The following IL33 variants were observed in gnomAD, a reference collection of about 807,000 sequenced individuals.
IL33 encodes interleukin 33.
In IL33, 37 loss-of-function variants were observed where a neutral mutation model predicts 27.3. That is an observed-to-expected ratio of 1.36 (90% CI 1.04 to 1.78). The LOEUF (loss-of-function observed/expected upper bound fraction) is 1.78. IL33 is among the 40% of genes most tolerant of loss of function. The pLI, the probability that IL33 is intolerant of heterozygous loss-of-function variation, is 0.00. For synonymous variants in IL33, 132 were observed against 102.9 expected (o/e 1.28, Z -1.71); for missense variants, 406 against 311.4 (o/e 1.30, Z -2.29).
In IL33 at chr9:6,246,575, A is replaced by T. The variant is rs571409814; in HGVS notation, c.92-3899A>T. Among the ~76,000 whole-genome samples, 3 of 151,728 alleles carry T rather than the reference A, an allele frequency of 2.0e-5. No homozygotes were observed. In the South Asian group the frequency reaches 6.3e-4, roughly 32 times the overall value. On this transcript the variant is annotated intron_variant, in intron 2 of 7. Coordinates refer to ENST00000682010, the MANE Select transcript of IL33 (RefSeq NM_033439.4). ...GTCTCCATCTCAAAAAAATAAAAAT[A>T]AAAAAAAAGAGAGGTGGGACCTTTA... is the stretch of plus-strand genomic sequence containing the variant.
intron 1 of IL33, among the ~76,000 whole-genome samples, chr9:6,223,089 C>G (rs1818479615): frequency 6.6e-6 from 1 of 152,140 alleles, no homozygotes; most frequent in Non-Finnish European, 1.5e-5. Flanking sequence ...ATTGCATCTC[C>G]TTTGGTTTCC....
chr9:6,228,351 T>A (rs1258038465), intron 1 of IL33, among the ~76,000 whole-genome samples: 6 of 152,188 alleles, frequency 3.9e-5, no homozygotes, highest in African/African-American at 1.4e-4. Flanking sequence ...TAACTCTACA[T>A]GCTTTTGCTA....
At chr9:6,247,432 G>A (rs1042800253) in intron 2 of IL33, among the ~76,000 whole-genome samples, 1 of 152,158 alleles carries the variant, frequency 6.6e-6, no homozygotes, top group Non-Finnish European at 1.5e-5. Context: ...ACGAAAGACG[G>A]AGTGATTCAC....
intron 2 of IL33, among the ~76,000 whole-genome samples, chr9:6,246,063 CAAAAAAAAAAAAAAAAAAAAAAAA>C (rs71328183): frequency 2.0e-5 from 1 of 49,562 alleles, no homozygotes; most frequent in East Asian, 8.0e-4. Context: ...ACTCTGTCTC[CAAAAAAAAAAAAAAAAAAAAAAAA>C]AAAAAAAAAA....
rs1816707426 is a variant in IL33, at chr9:6,255,985, A to C, written c.630A>C (p.Lys210Asn). ...EHSVELHKCE[K>N]PLPDQAFFVL... ...TTCCTCAGCTCCATAAGTGTGAAAA[A>C]CCACTGCCAGACCAGGCCTTCTTTG... is the stretch of plus-strand genomic sequence containing the variant. Residue 210 changes from lysine (K) to asparagine (N), a missense_variant, in exon 8 of 8, where the codon AAA becomes AAC. Coordinates refer to ENST00000682010, the MANE Select transcript of IL33 (RefSeq NM_033439.4). The C allele has an allele frequency of 6.2e-7, 1 of 1,613,572 alleles. No homozygotes were observed. Among genetic ancestry groups the C allele is most frequent in the Non-Finnish European group, 8.5e-7 (1 of 1,179,574 alleles).
intron 1 of IL33, among the ~76,000 whole-genome samples, chr9:6,218,651 C>CATATATCCCCATAT (rs1818257782): frequency 3.3e-5 from 4 of 120,076 alleles, no homozygotes; most frequent in African/African-American, 1.1e-4. Flanking sequence ...TCTCCCTATA[C>CATATATCCCCATAT]ATATGTCCCC....
chr9:6,251,590 T>C lies in IL33; in HGVS notation c.343+325T>C, dbSNP rs571605015. ...CACATTTTCCCCCCAAATTTCAATA[T>C]TTTGACCATGAAAGAAAAGAGCTAT... is the stretch of plus-strand genomic sequence containing the variant. On this transcript the variant is annotated intron_variant, in intron 4 of 7. Transcript: ENST00000682010. Among the ~76,000 whole-genome samples, 39 of 152,278 alleles carry C rather than the reference T, an allele frequency of 2.6e-4. 1 individual carries two copies. Among genetic ancestry groups the C allele is most frequent in the African/African-American group, 9.4e-4 (39 of 41,564 alleles).
intron 5 of IL33, 100 bp from the exon 6 acceptor site, chr9:6,253,452 A>G (rs1816528130): frequency 1.3e-6 from 1 of 760,046 alleles, no homozygotes; most frequent in African/African-American, 1.8e-5. Context: ...ATTGATATAT[A>G]ATAAAAGGGG....
intron 6 of IL33, among the ~76,000 whole-genome samples, chr9:6,253,893 T>C (rs550935692): frequency 4.1e-4 from 62 of 152,304 alleles, no homozygotes; most frequent in African/African-American, 1.3e-3. Flanking sequence ...CAACAAGTTG[T>C]CCAGGGAACC....
rs776881287 is a variant in IL33, at chr9:6,241,712, G to A, written c.18G>A (p.Lys6=). The A allele has an allele frequency of 1.2e-6, 2 of 1,609,264 alleles. No homozygotes were observed. Among genetic ancestry groups the A allele is most frequent in the East Asian group, 2.2e-5 (1 of 44,712 alleles). The change falls in exon 2 of 8, where the codon AAG becomes AAA. Residue 6 remains lysine, a synonymous_variant. Coordinates refer to ENST00000682010, the MANE Select transcript of IL33 (RefSeq NM_033439.4). MKPKM[K]YSTNKISTAK... is the part of the protein sequence containing the mutation. ...ACTGAAAAATGAAGCCTAAAATGAA[G>A]TATTCAACCAACAAAATTTCCACAG... is the stretch of plus-strand genomic sequence containing the variant.
At chr9:6,218,480 T>A (rs952830213) in intron 1 of IL33, among the ~76,000 whole-genome samples, 1 of 151,788 alleles carries the variant, frequency 6.6e-6, no homozygotes, top group African/African-American at 2.4e-5. Flanking sequence ...AGCTTACAAC[T>A]AACTTCGGGG....
intron 3 of IL33, among the ~76,000 whole-genome samples, chr9:6,250,890 C>T (rs759552635): frequency 6.6e-6 from 1 of 152,034 alleles, no homozygotes; most frequent in Non-Finnish European, 1.5e-5. Flanking sequence ...TAGGTTTAAG[C>T]ATTAATAGTG....
intron 2 of IL33, among the ~76,000 whole-genome samples, chr9:6,246,694 T>C (rs1186377736): frequency 1.3e-5 from 2 of 152,206 alleles, no homozygotes; most frequent in Non-Finnish European, 2.9e-5. Flanking sequence ...GGGTTTCTGA[T>C]AAAAATGATG....
intron 1 of IL33, among the ~76,000 whole-genome samples, chr9:6,223,923 A>T (rs557974152): frequency 6.6e-6 from 1 of 152,252 alleles, no homozygotes; most frequent in Admixed American, 6.5e-5. Flanking sequence ...ATCTCTCTTC[A>T]TGGGAAAAAA....
chr9:6,255,715 G>A (rs1587675358), intron 7 of IL33, among the ~76,000 whole-genome samples: 1 of 152,100 alleles, frequency 6.6e-6, no homozygotes, highest in East Asian at 1.9e-4. Flanking sequence ...CAGAACTGTT[G>A]CATCCAGATC....
intron 1 of IL33, among the ~76,000 whole-genome samples, chr9:6,230,291 C>G (rs905997758): frequency 2.0e-5 from 3 of 152,152 alleles, no homozygotes; most frequent in Non-Finnish European, 4.4e-5. Context: ...GATTGATCTA[C>G]TAGGTATCTT....
intron 1 of IL33, among the ~76,000 whole-genome samples, chr9:6,230,543 C>A (rs184314460): frequency 6.6e-6 from 1 of 152,270 alleles, no homozygotes; most frequent in Admixed American, 6.5e-5. Context: ...GTGTGTCACA[C>A]TCCCCTGTGC....
At chr9:6,228,173 G>A (rs2130159789) in intron 1 of IL33, among the ~76,000 whole-genome samples, 1 of 152,352 alleles carries the variant, frequency 6.6e-6, no homozygotes, top group South Asian at 2.1e-4. Context: ...AGGAGAGCTA[G>A]GCATGGTGGC....
intron 1 of IL33, among the ~76,000 whole-genome samples, chr9:6,234,652 C>T (rs575458995): frequency 8.5e-5 from 13 of 152,298 alleles, no homozygotes; most frequent in African/African-American, 3.1e-4. Context: ...CTCATCATTC[C>T]ATCCCCTCCT....
Sources: allele counts gnomAD v4.1 joint callset (sites outside exome capture counted in the v4.1 genomes callset), GRCh38; gene constraint gnomAD v4.1.1; transcripts MANE v1.5; gene names NCBI Gene and HGNC (gene_info 2026-07-23, HGNC 2026-07-21).